Variants in SREBF2 observed in about 807,000 individuals in gnomAD.
The protein encoded by SREBF2 is sterol regulatory element-binding protein 2.
In SREBF2, 55 loss-of-function variants were observed where a neutral mutation model predicts 113.1. That is an observed-to-expected ratio of 0.49 (90% CI 0.39 to 0.61). The LOEUF is 0.61. Ranked by LOEUF, SREBF2 falls within the 20% of genes least tolerant of loss-of-function variation. The pLI, the probability that SREBF2 is intolerant of heterozygous loss-of-function variation, is 0.00. For synonymous variants in SREBF2, 593 were observed against 605.7 expected (o/e 0.98, Z 0.31); for missense variants, 1,349 against 1,487.4 (o/e 0.91, Z 1.53).
chr22:41,883,902 A>G (rs893702881), intron 10 of SREBF2, among the ~76,000 whole-genome samples: 1 of 152,220 alleles, frequency 6.6e-6, no homozygotes, highest in Non-Finnish European at 1.5e-5. Flanking sequence ...AGCCAGCAAC[A>G]GTATGAAAGC....
Position 41,849,353 on chromosome 22 carries a change from G to A in SREBF2, c.88+15995G>A, listed in dbSNP as rs1397919095. Among the ~76,000 whole-genome samples, 5 of 152,014 alleles carry A rather than the reference G, an allele frequency of 3.3e-5. No homozygotes were observed. The East Asian group carries it at 5.8e-4, about 18-fold the overall frequency. On this transcript the variant is annotated intron_variant, in intron 1 of 18. Transcript: ENST00000361204. ...ATTACAGGTGCTTGCCGCCACGCCC[G>A]GCTAACTTTTGTATTTTTAGAGAAA...
intron 11 of SREBF2, among the ~76,000 whole-genome samples, chr22:41,886,905 G>A (rs1481007695): frequency 6.6e-6 from 1 of 152,182 alleles, no homozygotes; most frequent in African/African-American, 2.4e-5. Flanking sequence ...GTGGTGGCAT[G>A]TGCCTATAAT....
intron 12 of SREBF2, among the ~76,000 whole-genome samples, chr22:41,893,963 G>A (rs896544361): frequency 6.6e-6 from 1 of 152,072 alleles, no homozygotes; most frequent in Admixed American, 6.5e-5. Flanking sequence ...CAGGTATAGG[G>A]GTGTGTGTCA....
At position 41,877,089 on chromosome 22, in the gene SREBF2, G is replaced by C. The variant is rs558509568; in HGVS notation, c.1387-140G>C. The C allele has an allele frequency of 4.4e-4, 362 of 822,210 alleles. 4 individuals are homozygous for C. The highest frequency in any genetic ancestry group is 4.0e-3 in the South Asian group (268 of 66,202). The allele number at this position is 822,210 out of a possible 1,614,324, so 50.9% of individuals were successfully genotyped here. A position where few individuals can be genotyped will look rare whatever the true frequency, so the allele number is the denominator to read the frequency against. On this transcript the variant is annotated intron_variant, in intron 7 of 18. Coordinates refer to ENST00000361204, the MANE Select transcript of SREBF2 (RefSeq NM_004599.4). ...CAGTTAGTGAATTATAGGCTTCTCA[G>C]TTCCCATCTGGCCTTAGTCCTGAGT...
chr22:41,894,709 C>T, intron 12 of SREBF2, 111 bp from the exon 13 acceptor site: 2 of 898,962 alleles, frequency 2.2e-6, no homozygotes, highest in Non-Finnish European at 3.8e-6. Flanking sequence ...GGAGAAGGGG[C>T]ATCTGATCCC....
rs1280382254 is a variant in SREBF2, at chr22:41,905,681, C to T, written c.*21C>T. ...CCTGACCACCAGGCTCAGCCCACCC[C>T]TCCACCTCTCTCTCGATTTCTCTCT... On this transcript the variant is annotated 3_prime_UTR_variant, in exon 19 of 19. Coordinates refer to ENST00000361204, the MANE Select transcript of SREBF2 (RefSeq NM_004599.4). The T allele has an allele frequency of 1.3e-6, 2 of 1,551,878 alleles. No homozygotes were observed. The highest frequency in any genetic ancestry group is 1.9e-5 in the Admixed American group (1 of 51,636).
chr22:41,905,295 C>A, intron 18 of SREBF2, 145 bp from the exon 19 acceptor site: 1 of 859,040 alleles, frequency 1.2e-6, no homozygotes, highest in Non-Finnish European at 1.8e-6. Context: ...GACAAGTTCA[C>A]TTCTTTTCCG....
chr22:41,856,286 C>T (rs1235126070), intron 1 of SREBF2, among the ~76,000 whole-genome samples: 2 of 152,026 alleles, frequency 1.3e-5, no homozygotes, highest in Non-Finnish European at 2.9e-5. Flanking sequence ...GCCACCATGC[C>T]CCCTGCTAAA....
intron 11 of SREBF2, among the ~76,000 whole-genome samples, chr22:41,889,523 A>C (rs2077335359): frequency 6.6e-6 from 1 of 152,154 alleles, no homozygotes; most frequent in African/African-American, 2.4e-5. Flanking sequence ...AGTTGAAAGA[A>C]GAAATAATAT....
chr22:41,905,836 T>A lies in SREBF2; in HGVS notation c.*176T>A. The A allele has an allele frequency of 1.3e-6, 1 of 770,948 alleles. No homozygotes were observed. Among genetic ancestry groups the A allele is most frequent in the Non-Finnish European group, 2.3e-6 (1 of 443,258 alleles). 47.8% of individuals were successfully genotyped at this position (770,948 alleles called of 1,614,324 possible). A position where few individuals can be genotyped will look rare whatever the true frequency, so the allele number is the denominator to read the frequency against. On this transcript the variant is annotated 3_prime_UTR_variant, in exon 19 of 19. Coordinates refer to ENST00000361204, the MANE Select transcript of SREBF2 (RefSeq NM_004599.4). Reference sequence around the variant, plus strand: ...CAGAGCCCCTTAAAGCTGCTGTCACTAGATGCCCATGGTCCAGGGCCTGGT... The same window carrying A: ...CAGAGCCCCTTAAAGCTGCTGTCACAAGATGCCCATGGTCCAGGGCCTGGT...
chr22:41,849,601 G>A (rs1602275986), intron 1 of SREBF2, among the ~76,000 whole-genome samples: 1 of 152,278 alleles, frequency 6.6e-6, no homozygotes, highest in Middle Eastern at 3.4e-3. Flanking sequence ...TCTTGAATGC[G>A]TGTCTTAAGG....
intron 1 of SREBF2, among the ~76,000 whole-genome samples, chr22:41,852,605 T>G (rs1211581240): frequency 6.6e-6 from 1 of 152,168 alleles, no homozygotes; most frequent in Non-Finnish European, 1.5e-5. Context: ...GGTCACTTTT[T>G]GGGCCATATT....
At chr22:41,846,253 T>A (rs1293922385) in intron 1 of SREBF2, among the ~76,000 whole-genome samples, 1 of 152,112 alleles carries the variant, frequency 6.6e-6, no homozygotes, top group African/African-American at 2.4e-5. Flanking sequence ...GTTCTTGGAG[T>A]GACTAGAAAA....
intron 14 of SREBF2, among the ~76,000 whole-genome samples, chr22:41,897,903 AGAG>A (rs1412264587): frequency 6.6e-6 from 1 of 152,226 alleles, no homozygotes; most frequent in African/African-American, 2.4e-5. Context: ...TAAGGCTGAG[AGAG>A]GAGAAGACTT....
intron 1 of SREBF2, among the ~76,000 whole-genome samples, chr22:41,838,087 CAT>C (rs906314667): frequency 2.0e-5 from 3 of 152,108 alleles, no homozygotes; most frequent in Non-Finnish European, 2.9e-5. Context: ...GAAAGGGCCT[CAT>C]GTGCCATTAC....
intron 16 of SREBF2, 113 bp downstream of exon 16, chr22:41,900,611 AC>A: frequency 8.9e-7 from 1 of 1,125,340 alleles, no homozygotes. Flanking sequence ...AGACAGAGAA[AC>A]CAGGACAGCA....
intron 3 of SREBF2, 34 bp from the exon 4 acceptor site, chr22:41,870,855 A>G (rs1211863874): frequency 1.9e-6 from 3 of 1,613,658 alleles, no homozygotes; most frequent in South Asian, 1.1e-5. Context: ...GGATAATGCT[A>G]TCATCCTTTT....
rs544824099 is a variant in SREBF2 at position 41,852,728 on chromosome 22, A to ATT, written c.89-14073_89-14072dup. ...CAGCCATTCTCATACTCTCAGAATG[A>ATT]TTTTTTTTTTTTTTTTTTTTTTTTT... On this transcript the variant is annotated intron_variant, in intron 1 of 18. Coordinates refer to ENST00000361204, the MANE Select transcript of SREBF2 (RefSeq NM_004599.4). Among the ~76,000 whole-genome samples, 282 of 40,388 alleles carry ATT rather than the reference A, an allele frequency of 7.0e-3. 22 individuals are homozygous for ATT. The highest frequency in any genetic ancestry group is 0.011 in the Admixed American group (26 of 2,460). The allele number at this position is 40,388 out of a possible 152,430, so 26.5% of individuals were successfully genotyped here.
Position 41,867,128 on chromosome 22 carries a change from C to T in SREBF2, c.386C>T (p.Pro129Leu), listed in dbSNP as rs1382684107. ...GTTCCCACCACACCCAGGGCAACTC[C>T]TATTCTTCAGCCCCGCCCCCAGCCC... ...TSVPTTPRATPILQPRPQPQP... is the reference protein window; with the variant it reads ...TSVPTTPRATLILQPRPQPQP... Residue 129 changes from proline (P) to leucine (L), a missense_variant, in exon 2 of 19, where the codon CCT becomes CTT. By Grantham distance (98) the Pro-to-Leu change is moderately conservative. Coordinates refer to ENST00000361204, the MANE Select transcript of SREBF2 (RefSeq NM_004599.4). The T allele has an allele frequency of 6.2e-7, 1 of 1,614,220 alleles. No homozygotes were observed. The highest frequency in any genetic ancestry group is 8.5e-7 in the Non-Finnish European group (1 of 1,180,046).
Sources: gnomAD v4.1 joint callset for allele counts (sites outside exome capture counted in the v4.1 genomes callset) on GRCh38, gnomAD v4.1.1 for gene constraint, MANE v1.5 for transcripts, NCBI Gene and HGNC (gene_info 2026-07-23, HGNC 2026-07-21) for gene names.